Variants in TMEM178B observed in about 807,000 individuals in gnomAD.
TMEM178B encodes the protein transmembrane protein 178B.
TMEM178B carries 5 observed loss-of-function variants against 31.0 expected under a neutral mutation model. The observed-to-expected ratio is 0.16, with a 90% CI of 0.08 to 0.34. TMEM178B has a LOEUF of 0.34. Among genes scored for constraint, TMEM178B ranks in the 10% least tolerant of loss-of-function variants. The probability of loss-of-function intolerance (pLI) is 1.00; values close to 1 mark genes in which losing one functional copy is unlikely to be tolerated. For missense variants in TMEM178B, 275 were observed against 400.3 expected, an observed-to-expected ratio of 0.69 and a Z score of 2.67; for synonymous variants, 164 against 164.0, an observed-to-expected ratio of 1.00 and a Z score of 0.00.
the TMEM178B span, among the ~76,000 whole-genome samples, chr7:141,509,003 C>T: frequency 6.6e-6 from 1 of 152,154 alleles, no homozygotes; most frequent in Non-Finnish European, 1.5e-5. Context: ...TGGTTCAACA[C>T]CTTCTAGTAT....
chr7:141,470,536 G>T lies in TMEM178B; in HGVS notation c.635G>T (p.Gly212Val). 6.6e-7 allele frequency: 1 copy of T among 1,508,570 alleles called. No homozygotes were observed. Among genetic ancestry groups the T allele is most frequent in the Non-Finnish European group, 8.8e-7 (1 of 1,132,552 alleles). 93.4% of individuals were successfully genotyped at this position (1,508,570 alleles called of 1,614,324 possible). ...CTGTGTCTTTTCCCTTGTCCTCCAG[G>T]AACCTTCTGCATCATTTCACTGTGC... ...YVAGLLFLMG[G>V]TFCIISLCTC... Residue 212 changes from glycine (G) to valine (V), a missense_variant and splice_region_variant, in exon 4 of 4, where the codon GGA (glycine) becomes GTA (valine). By Grantham distance (109) the Gly-to-Val change is moderately radical (BLOSUM62 -3). Transcript: ENST00000565468.
intron 2 of TMEM178B, among the ~76,000 whole-genome samples, chr7:141,432,455 C>T (rs890694384): frequency 2.6e-5 from 4 of 152,136 alleles, no homozygotes; most frequent in African/African-American, 7.2e-5. Context: ...ACGCCCAGCC[C>T]TGCATCACTA....
In TMEM178B at chr7:141,214,478, A is replaced by G. The variant is rs184660893; in HGVS notation, c.496+1774A>G. On this transcript the variant is annotated intron_variant, in intron 2 of 3. Coordinates refer to ENST00000565468, the MANE Select transcript of TMEM178B (RefSeq NM_001195278.2). ...TACAAGGCAATGTGATAATTACAAT[A>G]TAGTAGAATTGCTTTAAGCAAGTAA... 3.3e-3 allele frequency among the ~76,000 whole-genome samples: 501 copies of G among 152,348 alleles called. 3 individuals carry two copies. The highest frequency in any genetic ancestry group is 5.6e-3 in the Non-Finnish European group (380 of 68,038).
intron 1 of TMEM178B, among the ~76,000 whole-genome samples, chr7:141,085,256 C>T (rs1794761884): frequency 6.7e-6 from 1 of 148,280 alleles, no homozygotes; most frequent in South Asian, 2.1e-4. Flanking sequence ...CTCAGCCTCC[C>T]AAAGTGCTGG....
chr7:141,492,784 C>T, the TMEM178B span, among the ~76,000 whole-genome samples: 1 of 152,208 alleles, frequency 6.6e-6, no homozygotes, highest in South Asian at 2.1e-4. Flanking sequence ...AACCCCATTC[C>T]TGACTCCTCT....
intron 1 of TMEM178B, among the ~76,000 whole-genome samples, chr7:141,195,264 A>G (rs1796763781): frequency 6.6e-6 from 1 of 152,172 alleles, no homozygotes; most frequent in Admixed American, 6.5e-5. Flanking sequence ...CCAAACTTTT[A>G]TGCTCTGCTT....
intron 2 of TMEM178B, among the ~76,000 whole-genome samples, chr7:141,236,868 A>G (rs1262155688): frequency 6.6e-6 from 1 of 152,264 alleles, no homozygotes; most frequent in Non-Finnish European, 1.5e-5. Flanking sequence ...AAAAATTAAA[A>G]GGCAAGGAAA....
chr7:141,465,276 A>G (rs1391049332), intron 3 of TMEM178B, among the ~76,000 whole-genome samples: 2 of 152,204 alleles, frequency 1.3e-5, no homozygotes, highest in Non-Finnish European at 2.9e-5. Flanking sequence ...ACTTTGGGTA[A>G]TGGAGGAGGT....
intron 3 of TMEM178B, among the ~76,000 whole-genome samples, chr7:141,463,834 G>A (rs975134043): frequency 2.0e-5 from 3 of 152,214 alleles, no homozygotes; most frequent in Non-Finnish European, 4.4e-5. Flanking sequence ...AGGTTGGCTA[G>A]GTAGGCAGGA....
At chr7:141,337,203 CCACCACCAT>C (rs1563155429) in intron 2 of TMEM178B, among the ~76,000 whole-genome samples, 9 of 93,432 alleles carry the variant, frequency 9.6e-5, no homozygotes, top group African/African-American at 3.9e-4. Context: ...ACCATCACCA[CCACCACCAT>C]CACCACCACC....
intron 2 of TMEM178B, among the ~76,000 whole-genome samples, chr7:141,397,388 C>T (rs1018140269): frequency 2.0e-5 from 3 of 152,138 alleles, no homozygotes; most frequent in South Asian, 2.1e-4. Context: ...TCAGGAGTAA[C>T]GTCACTTCCC....
At position 141,473,324 on chromosome 7, in the gene TMEM178B, A is replaced by G. The variant is rs1459713601; in HGVS notation, c.*2538A>G. The G allele has an allele frequency of 6.6e-6, 1 of 152,196 alleles. No homozygotes were observed. The highest frequency in any genetic ancestry group is 1.5e-5 in the Non-Finnish European group (1 of 68,038). The allele number at this position is 152,196 out of a possible 1,614,324, so 9.4% of individuals were successfully genotyped here. On this transcript the variant is annotated 3_prime_UTR_variant, in exon 4 of 4. Transcript: ENST00000565468. ...GGAAGGGACAGACAGGTTCACAAGC[A>G]TCCATTTGGGGGAGAGGGCTTGTCT...
intron 2 of TMEM178B, among the ~76,000 whole-genome samples, chr7:141,427,802 T>A (rs1279603048): frequency 6.6e-6 from 1 of 152,140 alleles, no homozygotes; most frequent in African/African-American, 2.4e-5. Context: ...AAACTATACA[T>A]CTGACAAGGG....
At chr7:141,169,726 G>A (rs1371034406) in intron 1 of TMEM178B, among the ~76,000 whole-genome samples, 1 of 152,190 alleles carries the variant, frequency 6.6e-6, no homozygotes, top group Admixed American at 6.5e-5. Context: ...GGCTCACAGA[G>A]ATTATTGGAG....
rs149066700 is a variant in TMEM178B, at chr7:141,215,893, C to CTTCT, written c.496+3208_496+3211dup. On this transcript the variant is annotated intron_variant, in intron 2 of 3. Transcript: ENST00000565468. ...TTTTCCTCCTTCCTTCCTTCCTTTC[C>CTTCT]TTCTTTCTTTCTTTCTTTCTTTTTT... Among the ~76,000 whole-genome samples the CTTCT allele has an allele frequency of 7.5e-5, 9 of 120,414 alleles. 1 individual carries two copies. Among genetic ancestry groups the CTTCT allele is most frequent in the African/African-American group, 2.0e-4 (6 of 30,454 alleles). 79.0% of individuals were successfully genotyped at this position (120,414 alleles called of 152,430 possible). A position where few individuals can be genotyped will look rare whatever the true frequency, so the allele number is the denominator to read the frequency against.
chr7:141,206,504 G>A (rs1235376140), intron 1 of TMEM178B, among the ~76,000 whole-genome samples: 1 of 152,178 alleles, frequency 6.6e-6, no homozygotes, highest in Non-Finnish European at 1.5e-5. Context: ...GCTACAGGGA[G>A]GAACTGACGG....
chr7:141,331,138 T>A (rs975461214), intron 2 of TMEM178B, among the ~76,000 whole-genome samples: 7 of 152,126 alleles, frequency 4.6e-5, no homozygotes, highest in African/African-American at 1.7e-4. Context: ...AGCTATTAAG[T>A]AGGCAAGTGG....
chr7:141,392,876 C>T (rs916606167), intron 2 of TMEM178B, among the ~76,000 whole-genome samples: 2 of 151,360 alleles, frequency 1.3e-5, no homozygotes, highest in African/African-American at 2.4e-5. Context: ...CAGAGGCAAA[C>T]TAGATGTAGG....
chr7:141,332,192 TG>T (rs1799311032), intron 2 of TMEM178B, among the ~76,000 whole-genome samples: 1 of 152,262 alleles, frequency 6.6e-6, no homozygotes, highest in African/African-American at 2.4e-5. Flanking sequence ...TGCATAGTTT[TG>T]TTCATTAATA....
Sources: allele counts gnomAD v4.1 joint callset (sites outside exome capture counted in the v4.1 genomes callset), GRCh38; gene constraint gnomAD v4.1.1; transcripts MANE v1.5; gene names NCBI Gene and HGNC (gene_info 2026-07-23, HGNC 2026-07-21).